The following ARB2A variants were observed in gnomAD, a reference collection of about 807,000 sequenced individuals.
ARB2A encodes the protein ARB2 cotranscriptional regulator A, also known as cotranscriptional regulator ARB2A.
chr5:93,933,568 C>T, the ARB2A span, among the ~76,000 whole-genome samples: 10 of 152,080 alleles, frequency 6.6e-5, no homozygotes, highest in African/African-American at 2.2e-4. Flanking sequence ...AACCAAACAC[C>T]GCATGTTCTC....
At chr5:94,062,308 T>C in the ARB2A span, among the ~76,000 whole-genome samples, 1 of 152,182 alleles carries the variant, frequency 6.6e-6, no homozygotes, top group East Asian at 1.9e-4. Flanking sequence ...CTAGAGGCAT[T>C]TGGTACTCAC....
At chr5:93,890,573 C>T in the ARB2A span, among the ~76,000 whole-genome samples, 1 of 151,814 alleles carries the variant, frequency 6.6e-6, no homozygotes, top group African/African-American at 2.4e-5. Flanking sequence ...ATGCCCATCT[C>T]AGTTCTGATG....
the ARB2A span, among the ~76,000 whole-genome samples, chr5:93,689,618 G>C: frequency 2.0e-5 from 3 of 151,992 alleles, no homozygotes; most frequent in Non-Finnish European, 4.4e-5. Context: ...GGTCAGAAAT[G>C]TGGATATGTG....
At chr5:93,954,956 T>C in the ARB2A span, among the ~76,000 whole-genome samples, 42 of 151,912 alleles carry the variant, frequency 2.8e-4, 1 homozygote, top group East Asian at 7.6e-3. Flanking sequence ...CAATGCAGAG[T>C]CCCACAGTCA....
the ARB2A span, among the ~76,000 whole-genome samples, chr5:93,622,421 C>G: frequency 2.0e-5 from 3 of 152,202 alleles, no homozygotes; most frequent in Non-Finnish European, 4.4e-5. Flanking sequence ...TTCAGCTATT[C>G]GCTGAGACCT....
chr5:93,941,494 A>T, the ARB2A span, among the ~76,000 whole-genome samples: 55 of 152,312 alleles, frequency 3.6e-4, 1 homozygote, highest in East Asian at 9.3e-3. Context: ...ATTTAAACTC[A>T]TCTCAACCTC....
the ARB2A span, among the ~76,000 whole-genome samples, chr5:93,675,021 T>C: frequency 6.6e-6 from 1 of 152,220 alleles, no homozygotes; most frequent in East Asian, 1.9e-4. Flanking sequence ...AATACTGTAA[T>C]ATTCTGCTTC....
the ARB2A span, among the ~76,000 whole-genome samples, chr5:93,763,631 A>C: frequency 6.6e-6 from 1 of 152,216 alleles, no homozygotes; most frequent in Admixed American, 6.5e-5. Flanking sequence ...AACATTAGAC[A>C]GATCAACGAG....
At chr5:93,825,071 G>A in the ARB2A span, among the ~76,000 whole-genome samples, 75 of 152,240 alleles carry the variant, frequency 4.9e-4, 1 homozygote, top group South Asian at 0.012. Context: ...TTCATCTCCC[G>A]TTGTAATTCT....
At chr5:93,945,359 G>C in the ARB2A span, among the ~76,000 whole-genome samples, 2 of 150,114 alleles carry the variant, frequency 1.3e-5, no homozygotes, top group African/African-American at 2.5e-5. Context: ...AGGTTGCAGT[G>C]AGCTGAGATT....
At chr5:93,783,802 A>C in the ARB2A span, among the ~76,000 whole-genome samples, 1 of 152,194 alleles carries the variant, frequency 6.6e-6, no homozygotes, top group Non-Finnish European at 1.5e-5. Flanking sequence ...GTTAGTTTTC[A>C]GGTTCACCAG....
At chr5:93,936,664 T>C in the ARB2A span, among the ~76,000 whole-genome samples, 1 of 152,192 alleles carries the variant, frequency 6.6e-6, no homozygotes. Flanking sequence ...TATTGCATAC[T>C]ATAAAAGAAA....
At chr5:93,894,418 AAGAG>A in the ARB2A span, among the ~76,000 whole-genome samples, 9 of 152,048 alleles carry the variant, frequency 5.9e-5, no homozygotes, top group African/African-American at 1.7e-4. Flanking sequence ...TTAAAAAAAA[AAGAG>A]AGAATTGCCC....
chr5:93,850,286 G>GTA, the ARB2A span, among the ~76,000 whole-genome samples: 1 of 152,166 alleles, frequency 6.6e-6, no homozygotes, highest in Non-Finnish European at 1.5e-5. Context: ...CCAATTCACA[G>GTA]TATACACTGA....
At chr5:94,031,093 T>C in the ARB2A span, among the ~76,000 whole-genome samples, 3 of 152,110 alleles carry the variant, frequency 2.0e-5, no homozygotes, top group Non-Finnish European at 2.9e-5. Flanking sequence ...TGGTACTGGG[T>C]AGTGAGGTGT....
the ARB2A span, among the ~76,000 whole-genome samples, chr5:93,848,749 A>G: frequency 6.6e-6 from 1 of 152,238 alleles, no homozygotes; most frequent in Non-Finnish European, 1.5e-5. Context: ...AAGGGCTTCA[A>G]AGAATTCTCA....
At chr5:93,807,301 T>C in the ARB2A span, among the ~76,000 whole-genome samples, 21 of 152,090 alleles carry the variant, frequency 1.4e-4, no homozygotes, top group African/African-American at 5.1e-4. Flanking sequence ...ACAGATTTGG[T>C]TGAAAAATGC....
At chr5:93,750,929 C>A in the ARB2A span, among the ~76,000 whole-genome samples, 1 of 151,884 alleles carries the variant, frequency 6.6e-6, no homozygotes, top group Non-Finnish European at 1.5e-5. Context: ...ACTAAATTTC[C>A]TTGAAGAGAA....
chr5:94,104,343 T>TAAA, the ARB2A span, among the ~76,000 whole-genome samples: 2 of 134,686 alleles, frequency 1.5e-5, no homozygotes, highest in Non-Finnish European at 3.3e-5. Flanking sequence ...CCCACAGAAA[T>TAAA]AAAAAAAAAA....
Sources: allele counts gnomAD v4.1 joint callset (sites outside exome capture counted in the v4.1 genomes callset), GRCh38; gene constraint gnomAD v4.1.1; transcripts MANE v1.5; gene names NCBI Gene and HGNC (gene_info 2026-07-23, HGNC 2026-07-21).